The following FNDC1 variants were observed in gnomAD, a reference collection of about 807,000 sequenced individuals.
FNDC1 encodes the protein fibronectin type III domain containing 1, also known as fibronectin type III domain-containing protein 1.
In FNDC1, 96 loss-of-function variants were observed where a neutral mutation model predicts 168.0. That is an observed-to-expected ratio of 0.57 (90% CI 0.48 to 0.68). FNDC1 has a LOEUF of 0.68. FNDC1 is among the 30% of genes least tolerant of loss of function. The probability of loss-of-function intolerance (pLI) is 0.00; values close to 1 mark genes in which losing one functional copy is unlikely to be tolerated. For synonymous variants in FNDC1, 1,099 were observed against 1,025.9 expected, an observed-to-expected ratio of 1.07 and a Z score of -1.36; for missense variants, 2,587 against 2,482.1, an observed-to-expected ratio of 1.04 and a Z score of -0.90.
intron 14 of FNDC1, among the ~76,000 whole-genome samples, chr6:159,241,856 A>T (rs1336793833): frequency 1.3e-5 from 2 of 152,240 alleles, no homozygotes; most frequent in Non-Finnish European, 2.9e-5. Flanking sequence ...TCACAAAATC[A>T]TCATCCCGCT....
Position 159,239,639 on chromosome 6 carries a change from G to C in FNDC1, c.4303G>C (p.Val1435Leu). 6.4e-7 allele frequency: 1 copy of C among 1,556,376 alleles called. No individual in the cohort carries two copies. Among genetic ancestry groups the C allele is most frequent in the Non-Finnish European group, 8.7e-7 (1 of 1,149,232 alleles). ...PILSLGGKPLVGLEVIKKTTH... is the reference protein window; with the variant it reads ...PILSLGGKPLLGLEVIKKTTH... Reference sequence around the variant, plus strand: ...TTTGAGTCTTGGAGGAAAGCCGCTGGTGGGCTTGGAGGTCATCAAAAAAAC... The same window carrying C: ...TTTGAGTCTTGGAGGAAAGCCGCTGCTGGGCTTGGAGGTCATCAAAAAAAC... Residue 1435 changes from valine to leucine, a missense_variant, in exon 14 of 23, where the codon GTG (valine) becomes CTG (leucine). Physicochemically the swap from Val to Leu is conservative, Grantham distance 32. Transcript: ENST00000297267.
intron 4 of FNDC1, among the ~76,000 whole-genome samples, chr6:159,203,543 G>A (rs772725955): frequency 2.0e-5 from 3 of 152,180 alleles, no homozygotes; most frequent in Non-Finnish European, 2.9e-5. Flanking sequence ...GAGGGCAGCA[G>A]TTTTGGCTCC....
At chr6:159,235,862 C>A (rs997686825) in intron 11 of FNDC1, among the ~76,000 whole-genome samples, 1 of 152,196 alleles carries the variant, frequency 6.6e-6, no homozygotes, top group Non-Finnish European at 1.5e-5. Flanking sequence ...ACATAATTTT[C>A]TCTATCCTTC....
Position 159,225,648 on chromosome 6 carries a change from T to A in FNDC1, c.998T>A (p.Phe333Tyr). 2 of 1,613,992 alleles carry A rather than the reference T, an allele frequency of 1.2e-6. No homozygotes were observed. The highest frequency in any genetic ancestry group is 1.7e-6 in the Non-Finnish European group (2 of 1,179,882). Residue 333 changes from phenylalanine to tyrosine, a missense_variant, in exon 8 of 23, where the codon TTT (phenylalanine) becomes TAT (tyrosine). Coordinates refer to ENST00000297267, the MANE Select transcript of FNDC1 (RefSeq NM_032532.3). ...CTGATTCCAGACACTGTGTATGAAT[T>A]TGCAGTCCGTATTTCACAGGGTGAA... The part of the protein sequence containing the change: ...ENLIPDTVYE[F>Y]AVRISQGERD...
intron 11 of FNDC1, 62 bp from the exon 12 acceptor site, chr6:159,236,153 C>T (rs1783251328): frequency 1.5e-5 from 19 of 1,232,278 alleles, no homozygotes; most frequent in Non-Finnish European, 2.2e-5. Flanking sequence ...TGGTATGAAG[C>T]CAACTTCCCG....
rs1311144749 is a variant in FNDC1 at position 159,271,882 on chromosome 6, G to C, written c.*440G>C. The stretch of plus-strand genomic sequence containing the variant: ...AAAACTAACTGAATTTAAGCTTCAG[G>C]TCCCTTTGTATGCAGTAGAAAGGAA... On this transcript the variant is annotated 3_prime_UTR_variant, in exon 23 of 23. Transcript: ENST00000297267. The C allele has an allele frequency of 1.3e-5, 2 of 155,068 alleles. No homozygotes were observed. Among genetic ancestry groups the C allele is most frequent in the East Asian group, 1.9e-4 (1 of 5,236 alleles). 9.6% of individuals were successfully genotyped at this position (155,068 alleles called of 1,614,324 possible).
At chr6:159,197,771 A>G (rs1782281636) in intron 2 of FNDC1, 146 bp downstream of exon 2, 1 of 677,104 alleles carries the variant, frequency 1.5e-6, no homozygotes, top group South Asian at 2.5e-5. Flanking sequence ...GAGTTCTGAG[A>G]TGCTTGTCGG....
At chr6:159,236,149 G>A (rs1783251157) in intron 11 of FNDC1, 66 bp from the exon 12 acceptor site, 1 of 1,154,112 alleles carries the variant, frequency 8.7e-7, no homozygotes, top group South Asian at 1.4e-5. Flanking sequence ...AGTTTGGTAT[G>A]AAGCCAACTT....
chr6:159,220,090 T>C (rs1329827736), intron 5 of FNDC1, among the ~76,000 whole-genome samples: 1 of 152,198 alleles, frequency 6.6e-6, no homozygotes, highest in East Asian at 1.9e-4. Flanking sequence ...GTATAAATAA[T>C]TTACTCATTT....
Position 159,258,378 on chromosome 6 carries a change from AT to A in FNDC1, c.5174+1755del, listed in dbSNP as rs373825574. The stretch of plus-strand genomic sequence containing the variant: ...ATGCTTTGAGAGTATATAATGGGGG[AT>A]TTTTTTTCTTTATGAGCTTGGGGAT... On this transcript the variant is annotated intron_variant, in intron 18 of 22. Coordinates refer to ENST00000297267, the MANE Select transcript of FNDC1 (RefSeq NM_032532.3). Among the ~76,000 whole-genome samples the A allele has an allele frequency of 2.0e-4, 30 of 151,866 alleles. No homozygotes were observed. In the East Asian group the frequency reaches 4.6e-3, roughly 23 times the overall value.
intron 4 of FNDC1, among the ~76,000 whole-genome samples, chr6:159,207,098 G>A (rs189217314): frequency 1.3e-5 from 2 of 152,268 alleles, no homozygotes; most frequent in East Asian, 3.9e-4. Flanking sequence ...AGTCCCTGCT[G>A]GCACCCCCCC....
chr6:159,220,683 C>A (rs1471493755), intron 5 of FNDC1, among the ~76,000 whole-genome samples: 2 of 152,172 alleles, frequency 1.3e-5, no homozygotes, highest in East Asian at 3.8e-4. Flanking sequence ...AGTTTTGTTC[C>A]ATCATTGCAT....
chr6:159,217,647 G>T (rs914882494), intron 5 of FNDC1, among the ~76,000 whole-genome samples: 1 of 152,148 alleles, frequency 6.6e-6, no homozygotes, highest in Non-Finnish European at 1.5e-5. Context: ...GGTGTTCCAG[G>T]CACGGGCTGG....
chr6:159,246,142 A>G (rs1783533471), intron 14 of FNDC1, among the ~76,000 whole-genome samples: 1 of 152,244 alleles, frequency 6.6e-6, no homozygotes, highest in Non-Finnish European at 1.5e-5. Context: ...CATTTAAAGT[A>G]TAATTCTGTA....
At chr6:159,251,926 G>T (rs556363664) in intron 17 of FNDC1, among the ~76,000 whole-genome samples, 92 of 152,320 alleles carry the variant, frequency 6.0e-4, no homozygotes, top group South Asian at 2.7e-3. Context: ...CCTGCAGTGA[G>T]CGTGACCATA....
intron 22 of FNDC1, among the ~76,000 whole-genome samples, chr6:159,270,636 GA>G (rs1352994534): frequency 3.3e-5 from 5 of 152,166 alleles, no homozygotes; most frequent in Non-Finnish European, 5.9e-5. Context: ...TGAGTTTCCA[GA>G]AAAATTTTTA....
In FNDC1 at chr6:159,231,878, G is replaced by A. The variant is rs201193745; in HGVS notation, c.1370-4G>A. On this transcript the variant is annotated splice_region_variant and splice_polypyrimidine_tract_variant and intron_variant, in intron 10 of 22. Transcript: ENST00000297267. ...GACAGGCAATTCTTTAAAATCTGTT[G>A]CAGCCAGTAAGGCGGATGTTGAGCA... 3.8e-4 allele frequency: 599 copies of A among 1,578,880 alleles called. 1 individual carries two copies. In the African/African-American group the frequency reaches 7.1e-3, roughly 19 times the overall value.
chr6:159,192,765 C>T (rs1012726153), intron 1 of FNDC1, among the ~76,000 whole-genome samples: 13 of 152,168 alleles, frequency 8.5e-5, no homozygotes, highest in African/African-American at 1.4e-4. Flanking sequence ...GCATCCCACA[C>T]TCCTCTCCCT....
chr6:159,268,809 CATCT>C (rs1446900756), intron 22 of FNDC1, among the ~76,000 whole-genome samples: 2 of 148,172 alleles, frequency 1.3e-5, no homozygotes, highest in Non-Finnish European at 3.0e-5. Flanking sequence ...TCTATCTATT[CATCT>C]ATCTATTCAT....
Sources: allele counts gnomAD v4.1 joint callset (sites outside exome capture counted in the v4.1 genomes callset), GRCh38; gene constraint gnomAD v4.1.1; transcripts MANE v1.5; gene names NCBI Gene and HGNC (gene_info 2026-07-23, HGNC 2026-07-21).